RHOA: variants seen among roughly 807,000 people sequenced by gnomAD.
RHOA encodes transforming protein RhoA.
In RHOA, 3 loss-of-function variants were observed where a neutral mutation model predicts 17.5. That is an observed-to-expected ratio of 0.17 (90% CI 0.08 to 0.44). The LOEUF is 0.44. Among genes scored for constraint, RHOA ranks in the 20% least tolerant of loss-of-function variants. The pLI is 0.99. For missense variants in RHOA, 56 were observed against 242.3 expected, an observed-to-expected ratio of 0.23 and a Z score of 5.10; for synonymous variants, 98 against 88.4, an observed-to-expected ratio of 1.11 and a Z score of -0.61.
intron 2 of RHOA, among the ~76,000 whole-genome samples, chr3:49,372,887 G>A (rs2048168507): frequency 6.6e-6 from 1 of 152,072 alleles, no homozygotes; most frequent in African/African-American, 2.4e-5. Context: ...TACAAATGAG[G>A]AAGGCTCAAA....
chr3:49,403,423 T>A (rs1012338764), intron 1 of RHOA, among the ~76,000 whole-genome samples: 1 of 152,114 alleles, frequency 6.6e-6, no homozygotes, highest in African/African-American at 2.4e-5. Flanking sequence ...TCATCAAAAT[T>A]TATCAAACTG....
chr3:49,405,582 G>A (rs776588587), intron 1 of RHOA, among the ~76,000 whole-genome samples: 75 of 152,254 alleles, frequency 4.9e-4, no homozygotes, highest in Admixed American at 2.3e-3. Flanking sequence ...ACATACTACT[G>A]CCAAGGGTCT....
At chr3:49,379,883 C>A (rs1456427057) in intron 1 of RHOA, among the ~76,000 whole-genome samples, 1 of 152,190 alleles carries the variant, frequency 6.6e-6, no homozygotes, top group Non-Finnish European at 1.5e-5. Context: ...TTCAATAAAG[C>A]TGTTACCACC....
intron 1 of RHOA, among the ~76,000 whole-genome samples, chr3:49,393,191 A>G (rs2048538514): frequency 6.6e-6 from 1 of 152,240 alleles, no homozygotes; most frequent in Non-Finnish European, 1.5e-5. Flanking sequence ...AAAATCAGGT[A>G]TTTTAAAGAT....
intron 1 of RHOA, among the ~76,000 whole-genome samples, chr3:49,410,737 A>G (rs1027028834): frequency 9.2e-5 from 14 of 152,256 alleles, no homozygotes; most frequent in African/African-American, 2.9e-4. Flanking sequence ...AACATTTTAA[A>G]TTATGGAAGT....
At chr3:49,378,093 G>A (rs1220060427) in intron 1 of RHOA, among the ~76,000 whole-genome samples, 1 of 147,878 alleles carries the variant, frequency 6.8e-6, no homozygotes, top group East Asian at 2.0e-4. Context: ...AAGTTGCAGT[G>A]AGCCCAGATT....
chr3:49,405,084 C>A (rs184052996), intron 1 of RHOA, among the ~76,000 whole-genome samples: 1 of 148,278 alleles, frequency 6.7e-6, no homozygotes, highest in African/African-American at 2.5e-5. Flanking sequence ...CCTGTCTCTA[C>A]TAAAAATACA....
rs908598299 is a variant in RHOA, at chr3:49,398,222, G to A, written c.-3+13598C>T. Among the ~76,000 whole-genome samples the A allele has an allele frequency of 5.3e-5, 7 of 131,252 alleles. No homozygotes were observed. In the South Asian group the frequency reaches 7.0e-4, roughly 13 times the overall value. The allele number at this position is 131,252 out of a possible 152,430, so 86.1% of individuals were successfully genotyped here. On this transcript the variant is annotated intron_variant, in intron 1 of 4. Transcript: ENST00000418115. ...CTAAAGTAGCCAAGTGTGGTGGCGC[G>A]CTCCTGTGGTCCCATCTACTCAGGA...
chr3:49,401,539 C>G (rs1330947076), intron 1 of RHOA, among the ~76,000 whole-genome samples: 1 of 111,980 alleles, frequency 8.9e-6, no homozygotes. Flanking sequence ...GCCTGGGCGA[C>G]AAGAATGAAA....
chr3:49,362,716 C>A (rs2047991649), intron 3 of RHOA, 90 bp from the exon 4 acceptor site: 2 of 1,087,412 alleles, frequency 1.8e-6, no homozygotes, highest in Non-Finnish European at 2.7e-6. Flanking sequence ...GAGACACTTT[C>A]TTTGTGGCTT....
intron 1 of RHOA, among the ~76,000 whole-genome samples, chr3:49,393,206 T>G (rs976675737): frequency 6.6e-6 from 1 of 151,970 alleles, no homozygotes; most frequent in Admixed American, 6.6e-5. Flanking sequence ...AAAGATAAAT[T>G]CTAAGTGCTC....
intron 3 of RHOA, 88 bp from the exon 4 acceptor site, chr3:49,362,714 T>C: frequency 8.9e-7 from 1 of 1,119,446 alleles, no homozygotes. Flanking sequence ...CAGAGACACT[T>C]TCTTTGTGGC....
intron 1 of RHOA, among the ~76,000 whole-genome samples, chr3:49,402,016 A>G (rs546217294): frequency 6.6e-6 from 1 of 152,330 alleles, no homozygotes; most frequent in South Asian, 2.1e-4. Context: ...AATAAGGCAC[A>G]TGGTGGTAAG....
intron 1 of RHOA, among the ~76,000 whole-genome samples, chr3:49,390,080 T>G (rs1182040569): frequency 1.3e-5 from 2 of 151,674 alleles, no homozygotes; most frequent in Non-Finnish European, 2.9e-5. Flanking sequence ...TCCCCGTCCA[T>G]CTATAATACC....
intron 1 of RHOA, among the ~76,000 whole-genome samples, chr3:49,391,608 A>T (rs542790678): frequency 6.6e-5 from 10 of 151,918 alleles, no homozygotes; most frequent in African/African-American, 2.2e-4. Context: ...CAATGGCGCG[A>T]TCTCAACTCA....
intron 1 of RHOA, among the ~76,000 whole-genome samples, chr3:49,401,041 C>CAAAAAAAAAACAA (rs2048716069): frequency 1.5e-5 from 1 of 67,584 alleles, no homozygotes; most frequent in South Asian, 1.0e-3. Flanking sequence ...GACTCCGTCT[C>CAAAAAAAAAACAA]AAAAAAAAAA....
chr3:49,408,360 G>C (rs916650372), intron 1 of RHOA, among the ~76,000 whole-genome samples: 4 of 151,776 alleles, frequency 2.6e-5, no homozygotes, highest in Admixed American at 1.3e-4. Flanking sequence ...ATAAAATCAA[G>C]CTAAGTTTGG....
chr3:49,395,565 T>C (rs373321014), intron 1 of RHOA, among the ~76,000 whole-genome samples: 2 of 151,068 alleles, frequency 1.3e-5, no homozygotes, highest in Non-Finnish European at 3.0e-5. Flanking sequence ...ATACAAAAAT[T>C]AGCCAGGCGT....
intron 1 of RHOA, among the ~76,000 whole-genome samples, chr3:49,378,741 C>A (rs1456095785): frequency 1.3e-5 from 2 of 151,994 alleles, no homozygotes; most frequent in Non-Finnish European, 2.9e-5. Context: ...GTAGCTGGGA[C>A]TACCAGGCTC....
Sources: gnomAD v4.1 joint callset for allele counts (sites outside exome capture counted in the v4.1 genomes callset) on GRCh38, gnomAD v4.1.1 for gene constraint, MANE v1.5 for transcripts, NCBI Gene and HGNC (gene_info 2026-07-23, HGNC 2026-07-21) for gene names.